CSN3: variants seen among roughly 807,000 people sequenced by gnomAD.
CSN3 encodes the protein casein kappa, also known as kappa-casein.
CSN3 carries 7 observed loss-of-function variants against 9.9 expected under a neutral mutation model. The ratio of observed to expected loss-of-function variants is 0.71; its 90% confidence interval spans 0.40 to 1.33. The LOEUF (loss-of-function observed/expected upper bound fraction) is 1.33, where lower values mean the gene tolerates loss of function less well. CSN3 is among the 40% of genes most tolerant of loss of function. The pLI is 0.01. For synonymous variants in CSN3, 88 were observed against 82.3 expected, an observed-to-expected ratio of 1.07 and a Z score of -0.37; for missense variants, 253 against 227.9, an observed-to-expected ratio of 1.11 and a Z score of -0.71.
intron 3 of CSN3, among the ~76,000 whole-genome samples, chr4:70,248,189 G>A (rs1560497185): frequency 2.6e-5 from 4 of 151,984 alleles, no homozygotes; most frequent in African/African-American, 9.7e-5. Context: ...TTAAGACAAG[G>A]GAAGATCCTT....
chr4:70,239,895 A>G (rs772338343), upstream of CSN3, among the ~76,000 whole-genome samples: 8 of 151,980 alleles, frequency 5.3e-5, no homozygotes, highest in Non-Finnish European at 1.2e-4. Flanking sequence ...CTTTTGAAGC[A>G]TACACATTTC....
upstream of CSN3, among the ~76,000 whole-genome samples, chr4:70,240,123 G>A (rs1277967553): frequency 6.6e-6 from 1 of 151,874 alleles, no homozygotes; most frequent in African/African-American, 2.4e-5. Context: ...ATCAAGGGAA[G>A]ATAAAACAGA....
At chr4:70,249,207 G>A in exon 4 of CSN3, 1 of 1,613,988 alleles carries the variant, frequency 6.2e-7, no homozygotes, top group Non-Finnish European at 8.5e-7. Flanking sequence ...GGCAATACCT[G>A]CCAAATAGCC....
chr4:70,241,305 A>G (rs1730264857), upstream of CSN3, among the ~76,000 whole-genome samples: 1 of 152,004 alleles, frequency 6.6e-6, no homozygotes. Context: ...AACCACAAAA[A>G]CCAACTATTC....
chr4:70,246,968 C>T (rs1178561520), intron 2 of CSN3, among the ~76,000 whole-genome samples: 2 of 151,788 alleles, frequency 1.3e-5, no homozygotes, highest in East Asian at 1.9e-4. Context: ...ATGTGCCCGG[C>T]CTCATATTAC....
exon 2 of CSN3, chr4:70,244,836 T>C: frequency 1.9e-6 from 3 of 1,566,098 alleles, no homozygotes; most frequent in Non-Finnish European, 2.6e-6. Context: ...AGTTTTCTTC[T>C]AGTTGTCAAT....
At chr4:70,244,821 T>TGAA in exon 2 of CSN3, 1 of 1,546,748 alleles carries the variant, frequency 6.5e-7, no homozygotes, top group Non-Finnish European at 8.7e-7. Context: ...GGTGCAATAA[T>TGAA]GAAGAGTTTT....
chr4:70,245,636 A>G (rs1730362799), intron 2 of CSN3, among the ~76,000 whole-genome samples: 1 of 152,162 alleles, frequency 6.6e-6, no homozygotes, highest in Admixed American at 6.6e-5. Context: ...AGGCAAGCAT[A>G]AATAATGGTA....
At chr4:70,249,874 A>G (rs1272030376) in intron 4 of CSN3, among the ~76,000 whole-genome samples, 1 of 152,214 alleles carries the variant, frequency 6.6e-6, no homozygotes, top group Admixed American at 6.5e-5. Context: ...AAGAAGTTAT[A>G]TAGAATATGA....
chr4:70,250,654 A>T lies in CSN3; in HGVS notation c.*35-608A>T, dbSNP rs556247168. Among the ~76,000 whole-genome samples the T allele has an allele frequency of 1.2e-4, 18 of 152,316 alleles. 1 individual carries two copies. The East Asian group carries it at 2.9e-3, about 25-fold the overall frequency. ...CCCATAGTAACCATATGAAACAGAT[A>T]TTATTCCTATCTCAAATTTAGGGAT... On this transcript the variant is annotated intron_variant, in intron 4 of 4. Transcript: ENST00000304954.
At chr4:70,246,660 T>C (rs1225968825) in intron 2 of CSN3, among the ~76,000 whole-genome samples, 2 of 146,908 alleles carry the variant, frequency 1.4e-5, no homozygotes, top group Non-Finnish European at 3.0e-5. Flanking sequence ...TCTACAATAT[T>C]CATATTACTT....
At chr4:70,247,698 TA>T (rs1241259471) in intron 2 of CSN3, 119 bp from the exon 3 acceptor site, 4 of 875,426 alleles carry the variant, frequency 4.6e-6, no homozygotes, top group Non-Finnish European at 5.2e-6. Context: ...AAAAATGTTT[TA>T]AAAAATAAAA....
intron 2 of CSN3, among the ~76,000 whole-genome samples, chr4:70,247,412 G>T (rs1730400858): frequency 6.6e-6 from 1 of 152,074 alleles, no homozygotes; most frequent in Admixed American, 6.6e-5. Flanking sequence ...AATCATCTTA[G>T]TATGAGAGCA....
rs72653306 is a variant in CSN3, at chr4:70,245,693, G to A, written c.54+820G>A. Among the ~76,000 whole-genome samples, 1,459 of 152,126 alleles carry A rather than the reference G, an allele frequency of 9.6e-3. 8 individuals carry two copies. Among genetic ancestry groups the A allele is most frequent in the African/African-American group, 0.023 (970 of 41,508 alleles). ...AAAATTTTGAGGAACACTAGTCCTC[G>A]TTCTGTGAATCTCTGTAATATTTAT... is the stretch of plus-strand genomic sequence containing the variant. On this transcript the variant is annotated intron_variant, in intron 2 of 4. Coordinates refer to ENST00000304954, the Ensembl canonical transcript of CSN3.
upstream of CSN3, among the ~76,000 whole-genome samples, chr4:70,241,794 A>T (rs1215288971): frequency 6.6e-6 from 1 of 152,026 alleles, no homozygotes; most frequent in Non-Finnish European, 1.5e-5. Flanking sequence ...AAAAAAGTTT[A>T]TTCATAAGAG....
At chr4:70,248,193 G>A (rs17148397) in intron 3 of CSN3, among the ~76,000 whole-genome samples, 1 of 152,032 alleles carries the variant, frequency 6.6e-6, no homozygotes, top group African/African-American at 2.4e-5. Flanking sequence ...GACAAGGGAA[G>A]ATCCTTTTCT....
At chr4:70,241,669 T>G (rs556816234), upstream of CSN3, among the ~76,000 whole-genome samples, 103 of 152,184 alleles carry the variant, frequency 6.8e-4, no homozygotes, top group African/African-American at 2.3e-3. Flanking sequence ...GGTTTGTGAT[T>G]TATGCTCTAA....
rs576809215 is a variant in CSN3 at position 70,244,798 on chromosome 4, A to T, written c.-8-14A>T. ...AATTCTTTTAAATTAATTTTTTTTTAAATTTATCTTTAGGTGCAATAATGA... is the reference window on the plus strand; with the variant it reads ...AATTCTTTTAAATTAATTTTTTTTTTAATTTATCTTTAGGTGCAATAATGA... On this transcript the variant is annotated splice_polypyrimidine_tract_variant and intron_variant, in intron 1 of 4. Coordinates refer to ENST00000304954, the Ensembl canonical transcript of CSN3. 352 of 1,453,216 alleles carry T rather than the reference A, an allele frequency of 2.4e-4. 2 individuals carry two copies. Among genetic ancestry groups the T allele is most frequent in the South Asian group, 1.5e-3 (100 of 66,716 alleles). The allele number at this position is 1,453,216 out of a possible 1,614,324, so 90.0% of individuals were successfully genotyped here. A position where few individuals can be genotyped will look rare whatever the true frequency, so the allele number is the denominator to read the frequency against.
chr4:70,243,073 A>G (rs1730304702), intron 1 of CSN3: 1 of 366,256 alleles, frequency 2.7e-6, no homozygotes, highest in African/African-American at 2.2e-5. Flanking sequence ...GTTATGGAAT[A>G]ATTATTTTTT....
Sources: allele counts gnomAD v4.1 joint callset (sites outside exome capture counted in the v4.1 genomes callset), GRCh38; gene constraint gnomAD v4.1.1; transcripts MANE v1.5; gene names NCBI Gene and HGNC (gene_info 2026-07-23, HGNC 2026-07-21).